BLTP1: variants seen among roughly 807,000 people sequenced by gnomAD.
BLTP1 encodes fragile site-associated protein.
chr4:122,265,698 GTTGT>G, the BLTP1 span, among the ~76,000 whole-genome samples: 6 of 152,026 alleles, frequency 3.9e-5, no homozygotes, highest in African/African-American at 7.2e-5. Context: ...TTTTTTTGTT[GTTGT>G]TTGTTTGTTT....
chr4:122,327,786 T>G, the BLTP1 span: 1 of 158,320 alleles, frequency 6.3e-6, no homozygotes, highest in East Asian at 1.8e-4. Context: ...CCATTCTGAT[T>G]TAATCATGTT....
chr4:122,327,564 G>A, the BLTP1 span, among the ~76,000 whole-genome samples: 3 of 151,180 alleles, frequency 2.0e-5, no homozygotes, highest in African/African-American at 7.3e-5. Flanking sequence ...TTATTACTCG[G>A]CTATTTGCAC....
chr4:122,354,808 A>C, the BLTP1 span, among the ~76,000 whole-genome samples: 1 of 151,856 alleles, frequency 6.6e-6, no homozygotes, highest in East Asian at 1.9e-4. Flanking sequence ...CTGGGATTAC[A>C]GGTGTGCGCC....
the BLTP1 span, chr4:122,301,135 C>A: frequency 1.4e-6 from 1 of 704,078 alleles, no homozygotes; most frequent in Non-Finnish European, 1.7e-6. Flanking sequence ...CAGAATTATC[C>A]CTATCTTTCA....
At chr4:122,298,474 CATAACTCAT>C in the BLTP1 span, 1 of 190,992 alleles carries the variant, frequency 5.2e-6, no homozygotes, top group African/African-American at 2.4e-5. Context: ...CTCTCTATAA[CATAACTCAT>C]TCTGTATTTC....
chr4:122,250,473 C>T, the BLTP1 span: 6 of 1,613,610 alleles, frequency 3.7e-6, no homozygotes, highest in Non-Finnish European at 5.1e-6. Context: ...GATTCTCCAA[C>T]CGGCAGTGGC....
the BLTP1 span, chr4:122,172,888 T>A: frequency 6.7e-7 from 1 of 1,501,652 alleles, no homozygotes; most frequent in Middle Eastern, 2.4e-4. Context: ...GAATTTATGC[T>A]TTTCTGGATT....
chr4:122,236,320 C>T, the BLTP1 span, among the ~76,000 whole-genome samples: 1 of 152,144 alleles, frequency 6.6e-6, no homozygotes, highest in Non-Finnish European at 1.5e-5. Flanking sequence ...AGCAGATTAT[C>T]TTATAAAATC....
At chr4:122,189,272 G>A in the BLTP1 span, 1 of 964,292 alleles carries the variant, frequency 1.0e-6, no homozygotes, top group Non-Finnish European at 1.2e-6. Context: ...ATCATCTAAT[G>A]ATTGAGAAGT....
the BLTP1 span, chr4:122,206,962 C>A: frequency 1.7e-6 from 1 of 593,276 alleles, no homozygotes; most frequent in South Asian, 2.3e-5. Flanking sequence ...TAAATACATC[C>A]TAATCACCTT....
chr4:122,285,087 T>C, the BLTP1 span, among the ~76,000 whole-genome samples: 1 of 152,126 alleles, frequency 6.6e-6, no homozygotes, highest in African/African-American at 2.4e-5. Context: ...GGGCTGACAA[T>C]AAGTTACACA....
the BLTP1 span, among the ~76,000 whole-genome samples, chr4:122,309,848 G>A: frequency 2.0e-5 from 3 of 151,938 alleles, no homozygotes; most frequent in East Asian, 1.9e-4. Flanking sequence ...GACCAGGAAC[G>A]CCAGCCTTAA....
chr4:122,262,148 T>TTGTGTGTGTG, the BLTP1 span, among the ~76,000 whole-genome samples: 29,173 of 133,104 alleles, frequency 0.22, 3,715 homozygotes, highest in East Asian at 0.28. Flanking sequence ...TACAGATCCT[T>TTGTGTGTGTG]TGTGTGTGTG....
the BLTP1 span, among the ~76,000 whole-genome samples, chr4:122,284,467 T>C: frequency 6.6e-6 from 1 of 152,176 alleles, no homozygotes; most frequent in East Asian, 1.9e-4. Context: ...TGTAATCAGA[T>C]ACTTTGTTCT....
At chr4:122,165,917 GTTGT>G in the BLTP1 span, among the ~76,000 whole-genome samples, 6 of 151,190 alleles carry the variant, frequency 4.0e-5, no homozygotes, top group African/African-American at 1.5e-4. Flanking sequence ...TTTTGATGGG[GTTGT>G]TTGTTTTTTT....
At chr4:122,334,703 A>C in the BLTP1 span, among the ~76,000 whole-genome samples, 1 of 152,088 alleles carries the variant, frequency 6.6e-6, no homozygotes, top group African/African-American at 2.4e-5. Context: ...AGTGTGGGCC[A>C]ACCATTTTCA....
the BLTP1 span, chr4:122,316,705 T>A: frequency 1.3e-6 from 2 of 1,594,046 alleles, no homozygotes; most frequent in East Asian, 4.5e-5. Context: ...GAGGGTGGTA[T>A]TGACAGATAC....
At chr4:122,324,795 T>C in the BLTP1 span, among the ~76,000 whole-genome samples, 1 of 151,988 alleles carries the variant, frequency 6.6e-6, no homozygotes, top group Non-Finnish European at 1.5e-5. Flanking sequence ...TTTATTTACA[T>C]AAAACTGTGG....
the BLTP1 span, chr4:122,305,368 T>C: frequency 6.4e-6 from 6 of 942,192 alleles, no homozygotes; most frequent in African/African-American, 1.1e-4. Flanking sequence ...TTAAATAAAG[T>C]TAAAAAACAG....
Sources: gnomAD v4.1 joint callset for allele counts (sites outside exome capture counted in the v4.1 genomes callset) on GRCh38, gnomAD v4.1.1 for gene constraint, MANE v1.5 for transcripts, NCBI Gene and HGNC (gene_info 2026-07-23, HGNC 2026-07-21) for gene names.